Variants in C4orf50 observed in about 807,000 individuals in gnomAD.
The protein encoded by C4orf50 is chromosome 4 open reading frame 50, also known as uncharacterized protein C4orf50.
In C4orf50, 80 loss-of-function variants were observed where a neutral mutation model predicts 77.2. The ratio of observed to expected loss-of-function variants is 1.04; its 90% CI spans 0.87 to 1.25. C4orf50 has a LOEUF of 1.25. C4orf50 is among the 50% of genes most tolerant of loss of function. The pLI is 0.00. For missense variants in C4orf50, 1,257 were observed against 1,152.9 expected, an observed-to-expected ratio of 1.09 and a Z score of -1.31; for synonymous variants, 532 against 465.3, an observed-to-expected ratio of 1.14 and a Z score of -1.84.
intron 25 of C4orf50, among the ~76,000 whole-genome samples, chr4:6,004,637 A>G (rs1722161701): frequency 8.9e-6 from 1 of 112,922 alleles, no homozygotes; most frequent in South Asian, 3.7e-4. Flanking sequence ...GGTGACTGTG[A>G]TGGTGATGGT....
intron 27 of C4orf50, 136 bp from the exon 6 acceptor site, chr4:5,990,960 A>T: frequency 2.5e-6 from 1 of 397,732 alleles, no homozygotes; most frequent in Non-Finnish European, 4.4e-6. Flanking sequence ...CACACAGGAC[A>T]CAGCTGGTAC....
intron 29 of C4orf50, among the ~76,000 whole-genome samples, chr4:5,977,194 C>T (rs977806384): frequency 6.6e-6 from 1 of 152,204 alleles, no homozygotes; most frequent in Non-Finnish European, 1.5e-5. Context: ...CACTGATCCC[C>T]TGGAGGGCGG....
chr4:5,909,769 T>C (rs916026217), intron 7 of C4orf50, among the ~76,000 whole-genome samples: 5 of 152,234 alleles, frequency 3.3e-5, no homozygotes, highest in African/African-American at 7.2e-5. Flanking sequence ...GAATGTTCTT[T>C]CCCCAATGTA....
At chr4:5,991,540 G>A (rs1308000702) in intron 27 of C4orf50, among the ~76,000 whole-genome samples, 4 of 152,200 alleles carry the variant, frequency 2.6e-5, no homozygotes, top group African/African-American at 9.6e-5. Flanking sequence ...TTTATCCAGA[G>A]AGGAGGAGCC....
At chr4:5,951,232 G>C (rs1718697886) in intron 7 of C4orf50, among the ~76,000 whole-genome samples, 1 of 152,214 alleles carries the variant, frequency 6.6e-6, no homozygotes, top group Admixed American at 6.5e-5. Flanking sequence ...GTAGTTTTCT[G>C]TACAAAGTTG....
At chr4:5,935,784 TAAAAAAAA>T (rs769910855) in intron 7 of C4orf50, among the ~76,000 whole-genome samples, 1,239 of 31,458 alleles carry the variant, frequency 0.039, 19 homozygotes, top group South Asian at 0.13. Context: ...AGACTCCGTC[TAAAAAAAA>T]AAAAAAAAAA....
intron 7 of C4orf50, among the ~76,000 whole-genome samples, chr4:5,937,081 A>G (rs569347276): frequency 5.3e-5 from 8 of 152,266 alleles, no homozygotes; most frequent in African/African-American, 1.9e-4. Context: ...TTACTGCTAA[A>G]TGCCTTGCTA....
intron 7 of C4orf50, among the ~76,000 whole-genome samples, chr4:5,911,863 T>A (rs1002141772): frequency 6.6e-6 from 1 of 152,140 alleles, no homozygotes; most frequent in Non-Finnish European, 1.5e-5. Flanking sequence ...CTGGCCAACA[T>A]GGTGAAACCC....
chr4:5,911,748 AAAACAAAAC>A (rs1405627558), intron 7 of C4orf50, among the ~76,000 whole-genome samples: 1 of 152,206 alleles, frequency 6.6e-6, no homozygotes. Context: ...AACAAAAACA[AAAACAAAAC>A]AAACAAAACA....
In C4orf50 at chr4:6,015,266, G is replaced by A. The variant is rs147859212; in HGVS notation, c.287+2879C>T. Among the ~76,000 whole-genome samples the A allele has an allele frequency of 8.3e-4, 127 of 152,216 alleles. 2 individuals are homozygous for A. Among genetic ancestry groups the A allele is most frequent in the African/African-American group, 2.6e-3 (106 of 41,518 alleles). On this transcript the variant is annotated intron_variant, in intron 23 of 33. Transcript: ENST00000531445. This position sits in a 1 kb window ranked among gnomAD's most constrained non-coding sequence, Gnocchi z 4.4. Reference sequence around the variant, plus strand: ...ATTAAGTTGAAAGAAAGTCATGAGCGTGGGCCCAGATCCAATCCGACTGGG... The same window carrying A: ...ATTAAGTTGAAAGAAAGTCATGAGCATGGGCCCAGATCCAATCCGACTGGG...
intron 31 of C4orf50, among the ~76,000 whole-genome samples, chr4:5,968,588 G>T (rs1719716591): frequency 6.6e-6 from 1 of 152,178 alleles, no homozygotes; most frequent in Non-Finnish European, 1.5e-5. Context: ...AGGTCCCGCA[G>T]CCTTGAGACC....
intron 33 of C4orf50, among the ~76,000 whole-genome samples, chr4:5,963,232 A>T (rs1719375600): frequency 6.6e-6 from 1 of 151,972 alleles, no homozygotes; most frequent in African/African-American, 2.4e-5. Context: ...TCCTGACCTC[A>T]AGTGATCTGC....
intron 7 of C4orf50, among the ~76,000 whole-genome samples, chr4:5,934,063 G>A (rs1272654666): frequency 6.6e-6 from 1 of 151,950 alleles, no homozygotes; most frequent in African/African-American, 2.4e-5. Context: ...GTAGGGTTAA[G>A]GACACAGGCT....
chr4:5,973,956 C>T, intron 30 of C4orf50, 115 bp from the exon 9 acceptor site: 2 of 841,096 alleles, frequency 2.4e-6, no homozygotes, highest in Admixed American at 2.9e-5. Context: ...CCAGCCCTGC[C>T]TCAGCTCAGC....
intron 7 of C4orf50, among the ~76,000 whole-genome samples, chr4:5,936,140 A>C (rs1375890965): frequency 1.3e-5 from 2 of 152,134 alleles, no homozygotes; most frequent in African/African-American, 4.8e-5. Context: ...ATGAAACTAA[A>C]GTACAGAAAG....
intron 25 of C4orf50, among the ~76,000 whole-genome samples, chr4:6,005,925 G>A (rs1210289604): frequency 1.3e-5 from 2 of 152,186 alleles, no homozygotes; most frequent in Non-Finnish European, 2.9e-5. Context: ...TGAATGGAGA[G>A]ATTGGGGGAA....
rs1049399965 is a variant in C4orf50 at position 6,017,905 on chromosome 4, T to A, written c.287+240A>T. Among the ~76,000 whole-genome samples the A allele has an allele frequency of 1.4e-4, 22 of 152,266 alleles. No individual in the cohort carries two copies. Among genetic ancestry groups the A allele is most frequent in the African/African-American group, 5.3e-4 (22 of 41,554 alleles). The stretch of plus-strand genomic sequence containing the variant: ...CCTCCCTCCGTTTCAGGGCCTCCCA[T>A]TGGCTGCACCTAAATGGAAGCCTTT... On this transcript the variant is annotated intron_variant, in intron 23 of 33. Transcript: ENST00000531445. This position sits in a 1 kb window ranked among gnomAD's most constrained non-coding sequence, Gnocchi z 4.7.
chr4:5,992,099 C>T lies in C4orf50; in HGVS notation c.1221+704G>A, dbSNP rs1269248250. Among the ~76,000 whole-genome samples, 1 of 152,194 alleles carries T rather than the reference C, an allele frequency of 6.6e-6. No individual in the cohort carries two copies. ...CCTCACCTGTCAAATGGGGCACCTC[C>T]GTGTTCTAAGACATTGCCCTGGGCT... On this transcript the variant is annotated intron_variant, in intron 27 of 33. Coordinates refer to ENST00000531445, the Ensembl canonical transcript of C4orf50. The surrounding 1 kb of genome is among the most constrained non-coding windows in gnomAD (Gnocchi z 5.0).
chr4:6,006,055 A>T (rs1043134714), intron 25 of C4orf50, among the ~76,000 whole-genome samples: 1 of 152,220 alleles, frequency 6.6e-6, no homozygotes, highest in South Asian at 2.1e-4. Context: ...TGCCAATGTT[A>T]TACACTTTGT....
Sources: gnomAD v4.1 joint callset for allele counts (sites outside exome capture counted in the v4.1 genomes callset) on GRCh38, gnomAD v4.1.1 for gene constraint, Gnocchi (gnomAD v3.1) non-coding constraint, MANE v1.5 for transcripts, NCBI Gene and HGNC (gene_info 2026-07-23, HGNC 2026-07-21) for gene names.